ARHGAP10: variants seen among roughly 807,000 people sequenced by gnomAD.
ARHGAP10 encodes the protein rho GTPase-activating protein 10.
In ARHGAP10, 87 loss-of-function variants were observed where a neutral mutation model predicts 108.6. That is an observed-to-expected ratio of 0.80 (90% CI 0.67 to 0.96). The LOEUF is 0.96. Ranked by LOEUF, ARHGAP10 falls within the 40% of genes least tolerant of loss-of-function variation. The probability of loss-of-function intolerance (pLI) is 0.00; values close to 1 mark genes in which losing one functional copy is unlikely to be tolerated. For synonymous variants in ARHGAP10, 347 were observed against 341.1 expected (o/e 1.02, Z -0.19); for missense variants, 939 against 954.5 (o/e 0.98, Z 0.21).
chr4:148,010,213 T>TGGAG (rs1163601573), intron 18 of ARHGAP10, among the ~76,000 whole-genome samples: 4 of 152,192 alleles, frequency 2.6e-5, no homozygotes, highest in Middle Eastern at 3.2e-3. Flanking sequence ...AACATGATGT[T>TGGAG]GGAGATTCCA....
chr4:148,015,493 C>G (rs1741312628), intron 18 of ARHGAP10, among the ~76,000 whole-genome samples: 1 of 152,166 alleles, frequency 6.6e-6, no homozygotes, highest in Admixed American at 6.5e-5. Flanking sequence ...AAACGTGAAA[C>G]TGTAGAATAT....
chr4:147,962,391 G>A (rs1253747152), intron 16 of ARHGAP10, among the ~76,000 whole-genome samples: 1 of 152,214 alleles, frequency 6.6e-6, no homozygotes, highest in Non-Finnish European at 1.5e-5. Flanking sequence ...CAGAGGCTAA[G>A]TGCTTTATGT....
intron 1 of ARHGAP10, among the ~76,000 whole-genome samples, chr4:147,797,703 G>A (rs368671305): frequency 6.6e-6 from 1 of 152,092 alleles, no homozygotes; most frequent in Non-Finnish European, 1.5e-5. Flanking sequence ...GAGCCGTTGC[G>A]CCTGGCCAGC....
In ARHGAP10 at chr4:147,762,492, A is replaced by T. The variant is rs1161086677; in HGVS notation, c.154+30037A>T. ...GGGTAGGTGAACTAGCAAAAAAAAGATAATTGCTTATTTATTTATTTATTT... is the reference window on the plus strand; with the variant it reads ...GGGTAGGTGAACTAGCAAAAAAAAGTTAATTGCTTATTTATTTATTTATTT... On this transcript the variant is annotated intron_variant, in intron 1 of 22. Transcript: ENST00000336498. Among the ~76,000 whole-genome samples, 9 of 79,740 alleles carry T rather than the reference A, an allele frequency of 1.1e-4. No homozygotes were observed. The Admixed American group carries it at 1.5e-3, about 13-fold the overall frequency. The allele number at this position is 79,740 out of a possible 152,430, so 52.3% of individuals were successfully genotyped here. A position where few individuals can be genotyped will look rare whatever the true frequency, so the allele number is the denominator to read the frequency against.
rs968363487 is a variant in ARHGAP10, at chr4:147,871,798, A to G, written c.703-3223A>G. On this transcript the variant is annotated intron_variant, in intron 7 of 22. Transcript: ENST00000336498. ...TTTTCAATTCATAATTTACCTAAAA[A>G]TGGTACATTTAAAAAATAGTGGCTG... Among the ~76,000 whole-genome samples, 3 of 152,196 alleles carry G rather than the reference A, an allele frequency of 2.0e-5. 1 individual carries two copies. The highest frequency in any genetic ancestry group is 4.4e-5 in the Non-Finnish European group (3 of 68,020).
intron 1 of ARHGAP10, among the ~76,000 whole-genome samples, chr4:147,754,052 G>A (rs1357625972): frequency 1.3e-5 from 2 of 152,128 alleles, no homozygotes; most frequent in Non-Finnish European, 2.9e-5. Flanking sequence ...TAAACTCCTG[G>A]CTTACTGAGG....
intron 20 of ARHGAP10, among the ~76,000 whole-genome samples, chr4:148,062,431 A>G (rs1321558834): frequency 2.6e-5 from 4 of 152,232 alleles, no homozygotes; most frequent in African/African-American, 4.8e-5. Flanking sequence ...GAAACGAGAC[A>G]CTTCTCAAGG....
chr4:147,773,559 A>G (rs1730163732), intron 1 of ARHGAP10, among the ~76,000 whole-genome samples: 1 of 152,214 alleles, frequency 6.6e-6, no homozygotes, highest in Admixed American at 6.5e-5. Flanking sequence ...TCTGAGTTAT[A>G]ACACAGCAAA....
chr4:147,765,115 A>C (rs1387804974), intron 1 of ARHGAP10, among the ~76,000 whole-genome samples: 3 of 152,122 alleles, frequency 2.0e-5, no homozygotes, highest in Non-Finnish European at 4.4e-5. Context: ...CTAATGATGG[A>C]CCATGTTGGA....
chr4:147,868,907 C>T (rs540237612), intron 7 of ARHGAP10, among the ~76,000 whole-genome samples: 4 of 152,188 alleles, frequency 2.6e-5, no homozygotes, highest in South Asian at 4.1e-4. Flanking sequence ...GGCCATGGAC[C>T]GGTACCTGTC....
chr4:147,929,808 T>C (rs965695780), intron 13 of ARHGAP10, among the ~76,000 whole-genome samples: 1 of 152,200 alleles, frequency 6.6e-6, no homozygotes, highest in African/African-American at 2.4e-5. Flanking sequence ...TGAAAATATA[T>C]ACATATAAGG....
At chr4:147,805,627 T>C (rs1402287235) in intron 1 of ARHGAP10, among the ~76,000 whole-genome samples, 1 of 152,172 alleles carries the variant, frequency 6.6e-6, no homozygotes, top group Non-Finnish European at 1.5e-5. Context: ...AAACTAGTTC[T>C]TAGAAAACCA....
At chr4:147,925,170 C>T (rs1373977756) in intron 13 of ARHGAP10, among the ~76,000 whole-genome samples, 1 of 152,100 alleles carries the variant, frequency 6.6e-6, no homozygotes, top group African/African-American at 2.4e-5. Context: ...TCAGGAAGAA[C>T]ACCACGGTTT....
chr4:147,780,094 C>T (rs1730468134), intron 1 of ARHGAP10, among the ~76,000 whole-genome samples: 1 of 152,066 alleles, frequency 6.6e-6, no homozygotes, highest in African/African-American at 2.4e-5. Context: ...TCAGTTTTCC[C>T]CTCATTTTCA....
At chr4:147,819,504 T>TTA (rs1732393684) in intron 1 of ARHGAP10, among the ~76,000 whole-genome samples, 1 of 151,888 alleles carries the variant, frequency 6.6e-6, no homozygotes, top group Non-Finnish European at 1.5e-5. Flanking sequence ...AATCATCCTA[T>TTA]TATATCTTTT....
chr4:147,855,859 G>A (rs1300188994), intron 4 of ARHGAP10, among the ~76,000 whole-genome samples: 1 of 152,130 alleles, frequency 6.6e-6, no homozygotes, highest in Non-Finnish European at 1.5e-5. Flanking sequence ...CAGAAGAACA[G>A]CGTGTGGTCC....
intron 12 of ARHGAP10, among the ~76,000 whole-genome samples, chr4:147,910,967 T>C (rs1736705382): frequency 1.3e-5 from 2 of 152,084 alleles, no homozygotes; most frequent in South Asian, 4.2e-4. Flanking sequence ...CTCTCCTTTG[T>C]TCTTTTCTTC....
intron 1 of ARHGAP10, among the ~76,000 whole-genome samples, chr4:147,745,737 C>T (rs995338667): frequency 6.6e-6 from 1 of 151,290 alleles, no homozygotes; most frequent in African/African-American, 2.4e-5. Context: ...TTGATCTGCC[C>T]GCCTCGGCCT....
At chr4:148,058,009 T>A (rs981554130) in intron 20 of ARHGAP10, among the ~76,000 whole-genome samples, 10 of 152,238 alleles carry the variant, frequency 6.6e-5, no homozygotes, top group Admixed American at 6.5e-4. Flanking sequence ...CTGTTGTCCC[T>A]CGGTGTGCTC....
Sources: allele counts gnomAD v4.1 joint callset (sites outside exome capture counted in the v4.1 genomes callset), GRCh38; gene constraint gnomAD v4.1.1; transcripts MANE v1.5; gene names NCBI Gene and HGNC (gene_info 2026-07-23, HGNC 2026-07-21).